The following CDS1 variants were observed in gnomAD, a reference collection of about 807,000 sequenced individuals.
CDS1 encodes CDP-diacylglycerol synthase 1.
Under a neutral mutation model 62.1 loss-of-function variants are expected in CDS1, and 41 were observed. That is an observed-to-expected ratio of 0.66 (90% confidence interval 0.51 to 0.86). The LOEUF is 0.86. Ranked by LOEUF, CDS1 falls within the 40% of genes least tolerant of loss-of-function variation. The probability of loss-of-function intolerance (pLI) is 0.00; values close to 1 mark genes in which losing one functional copy is unlikely to be tolerated. For missense variants in CDS1, 470 were observed against 550.1 expected (o/e 0.85, Z 1.46); for synonymous variants, 185 against 192.6 (o/e 0.96, Z 0.32).
intron 1 of CDS1, among the ~76,000 whole-genome samples, chr4:84,602,391 C>G (rs1722964317): frequency 1.3e-5 from 2 of 152,222 alleles, no homozygotes; most frequent in African/African-American, 2.4e-5. Flanking sequence ...AAGTGGCTTG[C>G]AGAGAACTTT....
chr4:84,625,480 G>C (rs2148652042), intron 5 of CDS1, among the ~76,000 whole-genome samples: 2 of 152,264 alleles, frequency 1.3e-5, no homozygotes, highest in Middle Eastern at 6.8e-3. Flanking sequence ...TTTGAGAAGA[G>C]ATGACAGGTT....
At chr4:84,639,030 G>A (rs368817413) in intron 9 of CDS1, 38 bp downstream of exon 9, 210 of 976,572 alleles carry the variant, frequency 2.2e-4, no homozygotes, top group Non-Finnish European at 2.9e-4. Context: ...TATACATTTC[G>A]AAATATGATA....
intron 1 of CDS1, among the ~76,000 whole-genome samples, chr4:84,593,729 C>T (rs1017613761): frequency 6.6e-6 from 1 of 152,130 alleles, no homozygotes; most frequent in African/African-American, 2.4e-5. Context: ...GTCTCGAACT[C>T]CTGACCTCAA....
intron 5 of CDS1, among the ~76,000 whole-genome samples, chr4:84,630,150 C>T (rs1723976881): frequency 1.3e-5 from 2 of 152,128 alleles, no homozygotes; most frequent in Admixed American, 1.3e-4. Context: ...ATAAGTCTAC[C>T]TGCTGTAGAA....
At chr4:84,585,184 T>A (rs1263760980) in intron 1 of CDS1, among the ~76,000 whole-genome samples, 4 of 152,238 alleles carry the variant, frequency 2.6e-5, no homozygotes, top group Non-Finnish European at 5.9e-5. Context: ...TGTCTCTAGC[T>A]ATCTGTGACT....
chr4:84,636,887 GT>G (rs1204634855), intron 8 of CDS1, among the ~76,000 whole-genome samples: 1 of 152,172 alleles, frequency 6.6e-6, no homozygotes, highest in Admixed American at 6.5e-5. Flanking sequence ...ATTGGGCAAA[GT>G]TTTTAATAAT....
At chr4:84,603,550 C>A (rs565389235) in intron 1 of CDS1, among the ~76,000 whole-genome samples, 2 of 152,180 alleles carry the variant, frequency 1.3e-5, no homozygotes, top group Non-Finnish European at 2.9e-5. Context: ...TTGCATTGAT[C>A]ACCCTATCCC....
intron 5 of CDS1, 83 bp from the exon 6 acceptor site, chr4:84,631,736 C>A: frequency 1.9e-6 from 2 of 1,073,808 alleles, no homozygotes; most frequent in Non-Finnish European, 2.9e-6. Flanking sequence ...TGTGATACAG[C>A]AAATTGGTTT....
Position 84,648,761 on chromosome 4 carries a change from C to G in CDS1, c.*75C>G. 6.9e-7 allele frequency: 1 copy of G among 1,440,236 alleles called. No individual in the cohort carries two copies. The highest frequency in any genetic ancestry group is 1.4e-5 in the South Asian group (1 of 69,770). The allele number at this position is 1,440,236 out of a possible 1,614,324, so 89.2% of individuals were successfully genotyped here. On this transcript the variant is annotated 3_prime_UTR_variant, in exon 13 of 13. Transcript: ENST00000295887. The stretch of plus-strand genomic sequence containing the variant: ...ACTGACAGATGTTTTATAAATTGTA[C>G]AGAAAAATAGTTAAAAATGCAATAG...
At chr4:84,625,896 G>A (rs1404798783) in intron 5 of CDS1, among the ~76,000 whole-genome samples, 2 of 151,796 alleles carry the variant, frequency 1.3e-5, no homozygotes, top group African/African-American at 2.4e-5. Flanking sequence ...GGCCGGGCGC[G>A]GTGGCTCATG....
At chr4:84,594,106 G>C (rs140921191) in intron 1 of CDS1, among the ~76,000 whole-genome samples, 1 of 152,220 alleles carries the variant, frequency 6.6e-6, no homozygotes, top group African/African-American at 2.4e-5. Flanking sequence ...ATTTAGTGTA[G>C]GGGAGTGAAA....
chr4:84,640,417 A>G (rs758881451), intron 9 of CDS1, among the ~76,000 whole-genome samples: 1 of 151,990 alleles, frequency 6.6e-6, no homozygotes, highest in Non-Finnish European at 1.5e-5. Context: ...GGGAAAGAAT[A>G]ATTTAGTCAA....
At chr4:84,590,992 C>T (rs1722575225) in intron 1 of CDS1, among the ~76,000 whole-genome samples, 1 of 152,214 alleles carries the variant, frequency 6.6e-6, no homozygotes, top group East Asian at 1.9e-4. Flanking sequence ...TTAAATGCCT[C>T]TCGGGGCCTG....
chr4:84,610,507 G>T (rs1046948276), intron 3 of CDS1, among the ~76,000 whole-genome samples: 1 of 152,170 alleles, frequency 6.6e-6, no homozygotes. Flanking sequence ...GTAACAAACG[G>T]TTCCAAGATG....
At chr4:84,637,523 G>C (rs1193914778) in intron 8 of CDS1, among the ~76,000 whole-genome samples, 1 of 152,026 alleles carries the variant, frequency 6.6e-6, no homozygotes, top group African/African-American at 2.4e-5. Flanking sequence ...CAGCAATAGG[G>C]GGATGGTGCT....
intron 12 of CDS1, among the ~76,000 whole-genome samples, chr4:84,646,758 T>C (rs1724569354): frequency 6.6e-6 from 1 of 152,226 alleles, no homozygotes; most frequent in African/African-American, 2.4e-5. Flanking sequence ...GGTTGTAGTT[T>C]TGTCTGTGTC....
intron 1 of CDS1, among the ~76,000 whole-genome samples, chr4:84,596,941 C>T (rs1722769791): frequency 6.6e-6 from 1 of 152,136 alleles, no homozygotes; most frequent in Non-Finnish European, 1.5e-5. Flanking sequence ...TTCTGCAGAG[C>T]CTGGAGTGGC....
At chr4:84,618,725 G>A (rs1034795631) in intron 4 of CDS1, among the ~76,000 whole-genome samples, 3 of 152,098 alleles carry the variant, frequency 2.0e-5, no homozygotes, top group African/African-American at 7.2e-5. Flanking sequence ...GCCTTACAGA[G>A]GAAGCATCCC....
chr4:84,594,556 G>T (rs549971391), intron 1 of CDS1, among the ~76,000 whole-genome samples: 1 of 151,974 alleles, frequency 6.6e-6, no homozygotes, highest in African/African-American at 2.4e-5. Context: ...TTTTGGGGTG[G>T]CATATTCTAG....
Sources: allele counts gnomAD v4.1 joint callset (sites outside exome capture counted in the v4.1 genomes callset), GRCh38; gene constraint gnomAD v4.1.1; transcripts MANE v1.5; gene names NCBI Gene and HGNC (gene_info 2026-07-23, HGNC 2026-07-21).